The following CDK13 variants were observed in gnomAD, a reference collection of about 807,000 sequenced individuals.
CDK13 encodes the protein cyclin dependent kinase 13.
CDK13 carries 40 observed loss-of-function variants against 137.6 expected under a neutral mutation model. The ratio of observed to expected loss-of-function variants is 0.29; its 90% CI spans 0.23 to 0.38. The LOEUF is 0.38. Among genes scored for constraint, CDK13 ranks in the 10% least tolerant of loss-of-function variants. The probability of loss-of-function intolerance (pLI) is 1.00; values close to 1 mark genes in which losing one functional copy is unlikely to be tolerated. For missense variants in CDK13, 1,704 were observed against 1,951.8 expected, an observed-to-expected ratio of 0.87 and a Z score of 2.39; for synonymous variants, 869 against 760.1, an observed-to-expected ratio of 1.14 and a Z score of -2.36.
chr7:39,969,458 G>T (rs1783947142), intron 1 of CDK13, among the ~76,000 whole-genome samples: 1 of 152,138 alleles, frequency 6.6e-6, no homozygotes, highest in Non-Finnish European at 1.5e-5. Context: ...TCCAGTTTTT[G>T]GCTGTTATGA....
At chr7:39,964,603 A>G (rs1418744834) in intron 1 of CDK13, among the ~76,000 whole-genome samples, 1 of 147,406 alleles carries the variant, frequency 6.8e-6, no homozygotes, top group Non-Finnish European at 1.5e-5. Flanking sequence ...TTTTTTTTGA[A>G]GGGATTTTTG....
intron 2 of CDK13, among the ~76,000 whole-genome samples, chr7:39,993,811 T>TA (rs1373134307): frequency 6.6e-6 from 1 of 152,114 alleles, no homozygotes; most frequent in Non-Finnish European, 1.5e-5. Flanking sequence ...ATAGGATAGT[T>TA]ACATGTCAAA....
At chr7:40,085,983 C>G (rs1786778396) in intron 11 of CDK13, among the ~76,000 whole-genome samples, 1 of 152,196 alleles carries the variant, frequency 6.6e-6, no homozygotes, top group Non-Finnish European at 1.5e-5. Context: ...TTGCCTTCCT[C>G]CACCTGAGGT....
intron 13 of CDK13, 92 bp from the exon 14 acceptor site, chr7:40,094,033 AATCAT>A: frequency 7.2e-7 from 1 of 1,385,038 alleles, no homozygotes; most frequent in Non-Finnish European, 9.8e-7. Context: ...TGGAACTTCT[AATCAT>A]CTTTAGAACT....
At chr7:40,025,744 A>G (rs182398046) in intron 5 of CDK13, among the ~76,000 whole-genome samples, 1 of 152,138 alleles carries the variant, frequency 6.6e-6, no homozygotes, top group Admixed American at 6.5e-5. Flanking sequence ...ATAAGTGAAA[A>G]CTTTGGTTTC....
chr7:40,049,408 T>G (rs978638378), intron 7 of CDK13, among the ~76,000 whole-genome samples: 4 of 112,382 alleles, frequency 3.6e-5, no homozygotes, highest in African/African-American at 7.8e-5. Context: ...TGTATGAGTG[T>G]TTTTTTTTTT....
intron 7 of CDK13, chr7:40,062,196 A>T (rs1019833931): frequency 6.6e-6 from 1 of 152,286 alleles, no homozygotes; most frequent in Non-Finnish European, 1.5e-5. Flanking sequence ...AGTTAATCCC[A>T]TTAAAGGTTT....
chr7:39,955,708 G>A (rs1436375135), intron 1 of CDK13, among the ~76,000 whole-genome samples: 1 of 152,020 alleles, frequency 6.6e-6, no homozygotes, highest in Non-Finnish European at 1.5e-5. Flanking sequence ...GAACAATTGG[G>A]TTTAAATCTT....
In CDK13 at chr7:40,063,086, A is replaced by G. The variant is rs370866015; in HGVS notation, c.2766A>G (p.Gln922=). The G allele has an allele frequency of 6.2e-6, 10 of 1,610,668 alleles. No individual in the cohort carries two copies. In the African/African-American group the frequency reaches 8.0e-5, roughly 13 times the overall value. Residue 922 remains glutamine, a synonymous_variant, in exon 9 of 14, where the codon CAA becomes CAG. Coordinates refer to ENST00000181839, the MANE Select transcript of CDK13 (RefSeq NM_003718.5). ...PIFQANQELA[Q]LELISRICGS... ...TTCAAGCAAATCAGGAACTTGCACA[A>G]CTAGAATTAATAAGGTAAGCTGCTG...
chr7:40,034,011 G>A (rs1357656533), intron 5 of CDK13, among the ~76,000 whole-genome samples: 1 of 152,170 alleles, frequency 6.6e-6, no homozygotes, highest in Non-Finnish European at 1.5e-5. Flanking sequence ...TTCTCTTGAA[G>A]TCAGGCCTTG....
intron 9 of CDK13, chr7:40,071,865 A>G (rs1190596686): frequency 1.3e-5 from 2 of 152,168 alleles, no homozygotes; most frequent in Non-Finnish European, 2.9e-5. Context: ...CTTTGTTCCT[A>G]TTTGAGAAAA....
chr7:39,997,379 A>C (rs1368078152), intron 2 of CDK13, 115 bp from the exon 3 acceptor site: 2 of 813,904 alleles, frequency 2.5e-6, no homozygotes, highest in Admixed American at 2.7e-5. Flanking sequence ...ATAGTCTTAT[A>C]ATGTGAAATA....
intron 5 of CDK13, among the ~76,000 whole-genome samples, chr7:40,021,150 C>CACACACACACAT (rs1562733223): frequency 4.7e-5 from 7 of 150,440 alleles, no homozygotes; most frequent in Non-Finnish European, 1.0e-4. Context: ...CACACACACA[C>CACACACACACAT]ATAAAGTTTT....
At position 39,981,958 on chromosome 7, in the gene CDK13, A is replaced by AT. The variant is rs11359193; in HGVS notation, c.1212-5628dup. ...AGGCGCCCGCCACTACGCCCGGCTA[A>AT]TTTTTTTTTTTTTCACTATTGTGTA... On this transcript the variant is annotated intron_variant, in intron 1 of 13. Coordinates refer to ENST00000181839, the MANE Select transcript of CDK13 (RefSeq NM_003718.5). 5.9e-3 allele frequency among the ~76,000 whole-genome samples: 825 copies of AT among 140,316 alleles called. 5 individuals carry two copies. Among genetic ancestry groups the AT allele is most frequent in the Non-Finnish European group, 7.0e-3 (457 of 65,430 alleles). The allele number at this position is 140,316 out of a possible 152,430, so 92.1% of individuals were successfully genotyped here.
At chr7:40,088,029 T>C (rs1786829432) in intron 11 of CDK13, 97 bp from the exon 12 acceptor site, 1 of 913,548 alleles carries the variant, frequency 1.1e-6, no homozygotes, top group Non-Finnish European at 1.7e-6. Context: ...CTTCAAGAAC[T>C]ATTTGGGGTG....
At chr7:40,081,498 T>TA (rs1766098943) in intron 11 of CDK13, among the ~76,000 whole-genome samples, 1 of 152,236 alleles carries the variant, frequency 6.6e-6, no homozygotes, top group South Asian at 2.1e-4. Context: ...GAACTTATGT[T>TA]ACTCCCGTAG....
chr7:40,010,724 T>A (rs1364754947), intron 5 of CDK13, among the ~76,000 whole-genome samples: 1 of 152,112 alleles, frequency 6.6e-6, no homozygotes, highest in Non-Finnish European at 1.5e-5. Context: ...CACCTGCCAC[T>A]CATCTGCTGT....
intron 4 of CDK13, among the ~76,000 whole-genome samples, chr7:40,000,411 T>C (rs1000500297): frequency 6.6e-6 from 1 of 151,908 alleles, no homozygotes; most frequent in African/African-American, 2.4e-5. Context: ...GGTGTGGTGG[T>C]GGGCACCTAT....
intron 1 of CDK13, 52 bp downstream of exon 1, chr7:39,951,904 C>G (rs543363251): frequency 9.9e-6 from 13 of 1,317,098 alleles, no homozygotes; most frequent in Middle Eastern, 2.0e-4. Context: ...GGCCAGATCC[C>G]CAGGAGGAAG....
Sources: allele counts gnomAD v4.1 joint callset (sites outside exome capture counted in the v4.1 genomes callset), GRCh38; gene constraint gnomAD v4.1.1; transcripts MANE v1.5; gene names NCBI Gene and HGNC (gene_info 2026-07-23, HGNC 2026-07-21).